Variants in ADGRB3 observed in about 807,000 individuals in gnomAD.
ADGRB3 encodes the protein brain-specific angiogenesis inhibitor 3.
A neutral mutation model predicts 193.4 loss-of-function variants in ADGRB3; 37 were observed. The ratio of observed to expected loss-of-function variants is 0.19; its 90% CI spans 0.15 to 0.25. The LOEUF (loss-of-function observed/expected upper bound fraction) is 0.25, where lower values mean the gene tolerates loss of function less well. Among genes scored for constraint, ADGRB3 ranks in the 10% least tolerant of loss-of-function variants. ADGRB3 has a pLI of 1.00. For synonymous variants in ADGRB3, 690 were observed against 644.2 expected, an observed-to-expected ratio of 1.07 and a Z score of -1.08; for missense variants, 1,637 against 1,852.9, an observed-to-expected ratio of 0.88 and a Z score of 2.14.
chr6:69,057,627 C>A (rs990358857), intron 15 of ADGRB3, among the ~76,000 whole-genome samples: 2 of 151,800 alleles, frequency 1.3e-5, no homozygotes, highest in South Asian at 4.1e-4. Flanking sequence ...GTTCATTAAG[C>A]GATTTTATCA....
At chr6:69,250,758 T>C (rs1367541464) in intron 20 of ADGRB3, among the ~76,000 whole-genome samples, 1 of 152,250 alleles carries the variant, frequency 6.6e-6, no homozygotes, top group Non-Finnish European at 1.5e-5. Context: ...TTCCTGGGCA[T>C]GCACCACTTG....
At chr6:69,190,018 A>G (rs1765155220) in intron 17 of ADGRB3, among the ~76,000 whole-genome samples, 1 of 152,170 alleles carries the variant, frequency 6.6e-6, no homozygotes, top group South Asian at 2.1e-4. Flanking sequence ...AACATACGGT[A>G]TTGCCTTTCA....
chr6:69,287,484 A>G (rs1444672642), intron 20 of ADGRB3, among the ~76,000 whole-genome samples: 2 of 151,776 alleles, frequency 1.3e-5, no homozygotes, highest in Non-Finnish European at 2.9e-5. Context: ...AACAGAAAGG[A>G]AAAAAAACAA....
chr6:68,771,216 AC>A (rs1334942920), intron 3 of ADGRB3, among the ~76,000 whole-genome samples: 1 of 152,134 alleles, frequency 6.6e-6, no homozygotes, highest in Non-Finnish European at 1.5e-5. Flanking sequence ...GACTACAAAA[AC>A]AAAATTATTG....
At chr6:68,950,198 T>G (rs1347128466) in intron 6 of ADGRB3, among the ~76,000 whole-genome samples, 1 of 152,048 alleles carries the variant, frequency 6.6e-6, no homozygotes, top group Non-Finnish European at 1.5e-5. Flanking sequence ...AGACTACAGG[T>G]GCGCAATACC....
intron 10 of ADGRB3, among the ~76,000 whole-genome samples, chr6:68,982,139 C>T (rs1243291196): frequency 6.6e-6 from 1 of 152,062 alleles, no homozygotes; most frequent in Non-Finnish European, 1.5e-5. Flanking sequence ...CTGCCTCAGC[C>T]TCCCAAAGTA....
intron 3 of ADGRB3, among the ~76,000 whole-genome samples, chr6:68,745,175 AG>A (rs1766059464): frequency 1.3e-5 from 2 of 152,216 alleles, no homozygotes. Flanking sequence ...ACTGTAGCCA[AG>A]AGGTAGAAGC....
chr6:68,831,415 A>G (rs2127383975), intron 3 of ADGRB3, among the ~76,000 whole-genome samples: 1 of 152,144 alleles, frequency 6.6e-6, no homozygotes, highest in Middle Eastern at 3.4e-3. Flanking sequence ...AGCAGTTGAG[A>G]AAAGGAGTGT....
At chr6:69,186,670 T>C (rs1413120672) in intron 17 of ADGRB3, among the ~76,000 whole-genome samples, 1 of 152,160 alleles carries the variant, frequency 6.6e-6, no homozygotes, top group African/African-American at 2.4e-5. Flanking sequence ...CTCCAAGTTA[T>C]TGTATTAACT....
At chr6:68,773,604 G>C (rs916877551) in intron 3 of ADGRB3, among the ~76,000 whole-genome samples, 1 of 152,118 alleles carries the variant, frequency 6.6e-6, no homozygotes, top group Non-Finnish European at 1.5e-5. Flanking sequence ...CTCTCCATTT[G>C]TCTGATGTTC....
intron 17 of ADGRB3, among the ~76,000 whole-genome samples, chr6:69,225,448 C>G (rs1765988469): frequency 1.3e-5 from 2 of 152,204 alleles, no homozygotes; most frequent in South Asian, 2.1e-4. Flanking sequence ...GCTGTGCTCT[C>G]TCACTGTGTC....
intron 20 of ADGRB3, among the ~76,000 whole-genome samples, chr6:69,255,581 C>A (rs935971830): frequency 2.0e-5 from 3 of 151,994 alleles, no homozygotes; most frequent in Non-Finnish European, 4.4e-5. Context: ...TGTTTAAGTT[C>A]TTTGTAGATT....
chr6:68,880,935 C>T lies in ADGRB3; in HGVS notation c.758-49624C>T, dbSNP rs555036816. On this transcript the variant is annotated intron_variant, in intron 3 of 31. Transcript: ENST00000370598. Reference sequence around the variant, plus strand: ...ATATAAAGCTAATAAAAAATTCAGCCCTATTTGTATAAATTTTACAAGTCA... The same window carrying T: ...ATATAAAGCTAATAAAAAATTCAGCTCTATTTGTATAAATTTTACAAGTCA... Among the ~76,000 whole-genome samples the T allele has an allele frequency of 2.2e-3, 336 of 151,906 alleles. 2 individuals carry two copies. Among genetic ancestry groups the T allele is most frequent in the African/African-American group, 7.6e-3 (314 of 41,400 alleles).
intron 13 of ADGRB3, among the ~76,000 whole-genome samples, chr6:69,021,096 T>C (rs574268149): frequency 6.6e-6 from 1 of 152,002 alleles, no homozygotes; most frequent in South Asian, 2.1e-4. Context: ...AGTCTGCTCA[T>C]TATATTGAGC....
intron 3 of ADGRB3, among the ~76,000 whole-genome samples, chr6:68,722,549 G>A (rs1765602199): frequency 1.3e-5 from 2 of 151,070 alleles, no homozygotes. Flanking sequence ...CTTAAAAGAT[G>A]AAGTTATATA....
At chr6:68,858,780 G>T (rs573226362) in intron 3 of ADGRB3, among the ~76,000 whole-genome samples, 3 of 152,054 alleles carry the variant, frequency 2.0e-5, no homozygotes, top group African/African-American at 7.2e-5. Flanking sequence ...GGGACACAGG[G>T]CATCAAGTCC....
intron 13 of ADGRB3, among the ~76,000 whole-genome samples, chr6:69,031,074 CTCTT>C (rs1770657514): frequency 3.0e-5 from 2 of 67,606 alleles, no homozygotes; most frequent in Non-Finnish European, 6.8e-5. Flanking sequence ...CTCTTCTCTT[CTCTT>C]CTCTTCTCTT....
At chr6:68,652,651 A>G (rs1422175003) in intron 3 of ADGRB3, among the ~76,000 whole-genome samples, 1 of 152,152 alleles carries the variant, frequency 6.6e-6, no homozygotes, top group African/African-American at 2.4e-5. Flanking sequence ...TACAATTGAT[A>G]AATATTCAGA....
chr6:68,767,431 G>A (rs1164378077), intron 3 of ADGRB3, among the ~76,000 whole-genome samples: 1 of 152,046 alleles, frequency 6.6e-6, no homozygotes, highest in African/African-American at 2.4e-5. Flanking sequence ...CAGAACCAAT[G>A]ACAAAAACTA....
Sources: allele counts gnomAD v4.1 joint callset (sites outside exome capture counted in the v4.1 genomes callset), GRCh38; gene constraint gnomAD v4.1.1; transcripts MANE v1.5; gene names NCBI Gene and HGNC (gene_info 2026-07-23, HGNC 2026-07-21).